The following ARHGAP28 variants were observed in gnomAD, a reference collection of about 807,000 sequenced individuals.
ARHGAP28 encodes Rho GTPase activating protein 28, also known as rho GTPase-activating protein 28.
Under a neutral mutation model 90.7 loss-of-function variants are expected in ARHGAP28, and 56 were observed. The ratio of observed to expected loss-of-function variants is 0.62; its 90% CI spans 0.50 to 0.77. The LOEUF is 0.77. Ranked by LOEUF, ARHGAP28 falls within the 30% of genes least tolerant of loss-of-function variation. ARHGAP28 has a pLI of 0.00. For missense variants in ARHGAP28, 869 were observed against 900.9 expected, an observed-to-expected ratio of 0.96 and a Z score of 0.45; for synonymous variants, 308 against 323.3, an observed-to-expected ratio of 0.95 and a Z score of 0.51.
At chr18:6,869,349 C>T (rs1257233830) in intron 6 of ARHGAP28, among the ~76,000 whole-genome samples, 1 of 147,854 alleles carries the variant, frequency 6.8e-6, no homozygotes, top group Non-Finnish European at 1.5e-5. Flanking sequence ...CAGCCTCTGC[C>T]TCTTGAGTTC....
rs367958553 is a variant in ARHGAP28 at position 6,911,041 on chromosome 18, T to A, written c.2096-1019T>A. On this transcript the variant is annotated intron_variant, in intron 17 of 17. Transcript: ENST00000383472. Reference sequence around the variant, plus strand: ...GCTAGAGATGGGGTTTCACTGAGTTTGCCAGGATGGTCCCGATCTCCTGAC... The same window carrying A: ...GCTAGAGATGGGGTTTCACTGAGTTAGCCAGGATGGTCCCGATCTCCTGAC... Among the ~76,000 whole-genome samples the A allele has an allele frequency of 3.3e-3, 507 of 152,116 alleles. 8 individuals carry two copies. The highest frequency in any genetic ancestry group is 0.011 in the African/African-American group (468 of 41,506).
At chr18:6,798,539 T>C (rs2056459198) in intron 1 of ARHGAP28, among the ~76,000 whole-genome samples, 1 of 152,208 alleles carries the variant, frequency 6.6e-6, no homozygotes, top group Non-Finnish European at 1.5e-5. Context: ...AATACGTTTC[T>C]TCAATATACA....
chr18:6,744,801 CTTAA>C (rs1251224381), intron 1 of ARHGAP28, among the ~76,000 whole-genome samples: 4 of 152,028 alleles, frequency 2.6e-5, no homozygotes, highest in Admixed American at 6.6e-5. Flanking sequence ...GAATTGGCAA[CTTAA>C]TTAATAGGAA....
At chr18:6,795,288 A>G (rs1432189322) in intron 1 of ARHGAP28, among the ~76,000 whole-genome samples, 2 of 152,070 alleles carry the variant, frequency 1.3e-5, no homozygotes, top group East Asian at 1.9e-4. Flanking sequence ...GGTCCCTGCG[A>G]GAAAGAAGAG....
chr18:6,766,955 G>C (rs1415340593), intron 1 of ARHGAP28, among the ~76,000 whole-genome samples: 3 of 152,160 alleles, frequency 2.0e-5, no homozygotes. Context: ...TTTCTGAAGT[G>C]TGAAGACAGC....
intron 1 of ARHGAP28, among the ~76,000 whole-genome samples, chr18:6,737,169 A>G (rs1256243721): frequency 2.0e-5 from 3 of 152,230 alleles, no homozygotes; most frequent in Admixed American, 6.5e-5. Flanking sequence ...AATAAATTCT[A>G]TCTGTTTAAG....
intron 16 of ARHGAP28, among the ~76,000 whole-genome samples, chr18:6,901,614 G>C (rs2057339071): frequency 6.6e-6 from 1 of 150,614 alleles, no homozygotes; most frequent in African/African-American, 2.4e-5. Context: ...ATCTAAACAT[G>C]AGAAAAATAT....
At chr18:6,758,275 T>A (rs2056128783) in intron 1 of ARHGAP28, among the ~76,000 whole-genome samples, 1 of 151,704 alleles carries the variant, frequency 6.6e-6, no homozygotes, top group Non-Finnish European at 1.5e-5. Flanking sequence ...AAAGCATAAC[T>A]AAGACTGTCC....
intron 11 of ARHGAP28, among the ~76,000 whole-genome samples, chr18:6,883,239 ATTTT>A (rs34238467): frequency 7.0e-5 from 10 of 142,274 alleles, no homozygotes; most frequent in Admixed American, 6.9e-5. Context: ...TCAGGCACTA[ATTTT>A]TTTTTTTTTT....
chr18:6,891,238 G>T (rs1445889570), intron 14 of ARHGAP28, among the ~76,000 whole-genome samples: 2 of 152,168 alleles, frequency 1.3e-5, no homozygotes, highest in Non-Finnish European at 2.9e-5. Context: ...CTGTGCCAGG[G>T]CCATGCAGAG....
intron 2 of ARHGAP28, among the ~76,000 whole-genome samples, chr18:6,829,752 G>A (rs2056700885): frequency 6.6e-6 from 1 of 152,140 alleles, no homozygotes; most frequent in Admixed American, 6.5e-5. Flanking sequence ...TTCTTTCACT[G>A]AGCATAGTTT....
In ARHGAP28 at chr18:6,870,597, T is replaced by G. The variant is rs1237498915; in HGVS notation, c.819T>G (p.Asp273Glu). 8 of 1,610,902 alleles carry G rather than the reference T, an allele frequency of 5.0e-6. No homozygotes were observed. Among genetic ancestry groups the G allele is most frequent in the Non-Finnish European group, 5.9e-6 (7 of 1,178,108 alleles). Residue 273 changes from aspartate (D) to glutamate (E), a missense_variant, in exon 7 of 18, where the codon GAT (aspartate) becomes GAG (glutamate). Transcript: ENST00000383472. Reference protein sequence around the residue: ...QPVQNAISDDDFLEKNIPPEA... With the variant: ...QPVQNAISDDEFLEKNIPPEA... ...TCTTTGTTTTGTCTTTAGATGATGA[T>G]TTTCTGGAAAAGAACATTCCACCAG...
intron 10 of ARHGAP28, among the ~76,000 whole-genome samples, chr18:6,880,818 T>C (rs2143632278): frequency 6.6e-6 from 1 of 152,324 alleles, no homozygotes; most frequent in East Asian, 1.9e-4. Context: ...AAATGAGTCG[T>C]ATCAGCTCAT....
chr18:6,855,146 C>A (rs535929254), intron 4 of ARHGAP28, among the ~76,000 whole-genome samples: 2 of 152,252 alleles, frequency 1.3e-5, no homozygotes, highest in East Asian at 3.9e-4. Context: ...GGTTGCTGGG[C>A]AGAAAGGGGC....
chr18:6,828,916 A>G (rs981851815), intron 2 of ARHGAP28, among the ~76,000 whole-genome samples: 1 of 152,238 alleles, frequency 6.6e-6, no homozygotes, highest in Non-Finnish European at 1.5e-5. Flanking sequence ...TCCATTAGCC[A>G]GTGATTAACT....
Position 6,894,902 on chromosome 18 carries a change from T to G in ARHGAP28, c.1905+11T>G, listed in dbSNP as rs759741039. ...TCGGCAAGACGAATGGTAAGAAAAA[T>G]AATTTCTTTTCCCTTCCATTAACTC... On this transcript the variant is annotated intron_variant, in intron 15 of 17. Coordinates refer to ENST00000383472, the MANE Select transcript of ARHGAP28 (RefSeq NM_001366230.1). 8 of 1,612,954 alleles carry G rather than the reference T, an allele frequency of 5.0e-6. No homozygotes were observed. The East Asian group carries it at 1.8e-4, about 36-fold the overall frequency.
intron 1 of ARHGAP28, among the ~76,000 whole-genome samples, chr18:6,739,701 CCTT>C (rs1253063845): frequency 6.7e-6 from 1 of 148,780 alleles, no homozygotes; most frequent in African/African-American, 2.5e-5. Flanking sequence ...AGGTTTTAAT[CCTT>C]TAATCTTTAG....
chr18:6,887,134 G>T (rs762843575), intron 11 of ARHGAP28, 23 bp from the exon 12 acceptor site: 5 of 1,602,368 alleles, frequency 3.1e-6, no homozygotes, highest in Non-Finnish European at 4.3e-6. Flanking sequence ...TAAAATGTAT[G>T]ACTATTTCTG....
intron 6 of ARHGAP28, among the ~76,000 whole-genome samples, chr18:6,869,530 G>A (rs985446848): frequency 6.6e-6 from 1 of 151,922 alleles, no homozygotes; most frequent in South Asian, 2.1e-4. Context: ...CAAAGTGCTG[G>A]GATTATAGGC....
Sources: gnomAD v4.1 joint callset for allele counts (sites outside exome capture counted in the v4.1 genomes callset) on GRCh38, gnomAD v4.1.1 for gene constraint, MANE v1.5 for transcripts, NCBI Gene and HGNC (gene_info 2026-07-23, HGNC 2026-07-21) for gene names.